Variants in SLC6A20 observed in about 807,000 individuals in gnomAD.
SLC6A20 encodes sodium- and chloride-dependent transporter XTRP3.
In SLC6A20, 73 loss-of-function variants were observed where a neutral mutation model predicts 64.3. The ratio of observed to expected loss-of-function variants is 1.14; its 90% CI spans 0.94 to 1.38. The LOEUF (loss-of-function observed/expected upper bound fraction) is 1.38, where lower values mean the gene tolerates loss of function less well. SLC6A20 is among the 40% of genes most tolerant of loss of function. SLC6A20 has a pLI of 0.00. For missense variants in SLC6A20, 725 were observed against 772.8 expected, an observed-to-expected ratio of 0.94 and a Z score of 0.73; for synonymous variants, 347 against 329.6, an observed-to-expected ratio of 1.05 and a Z score of -0.57.
chr3:45,770,433 C>A (rs1038143551), intron 6 of SLC6A20, 62 bp from the exon 7 acceptor site: 13 of 1,583,658 alleles, frequency 8.2e-6, no homozygotes, highest in Non-Finnish European at 1.1e-5. Context: ...ACCAAAGCCT[C>A]CCGTCAGCCT....
At chr3:45,796,157 C>T (rs992012997) in intron 1 of SLC6A20, 142 bp downstream of exon 1, 76 of 1,461,496 alleles carry the variant, frequency 5.2e-5, no homozygotes, top group Non-Finnish European at 4.1e-5. Context: ...GGGAACACTC[C>T]CGGGTCTGTA....
At chr3:45,784,597 G>A (rs977844875) in intron 1 of SLC6A20, among the ~76,000 whole-genome samples, 1 of 152,024 alleles carries the variant, frequency 6.6e-6, no homozygotes, top group Non-Finnish European at 1.5e-5. Flanking sequence ...CGCATCTTGA[G>A]AAAAACTTTG....
chr3:45,777,730 A>C lies in SLC6A20; in HGVS notation c.355-1742T>G, dbSNP rs1189718239. On this transcript the variant is annotated intron_variant, in intron 3 of 10. Coordinates refer to ENST00000358525, the MANE Select transcript of SLC6A20 (RefSeq NM_020208.4). ...GGTGACAGGGGTCCTGGTAGACCTG[A>C]AGCCCAGTTGAGCTGCCTAGGCTGA... is the stretch of plus-strand genomic sequence containing the variant. Among the ~76,000 whole-genome samples, 5 of 152,248 alleles carry C rather than the reference A, an allele frequency of 3.3e-5. No individual in the cohort carries two copies. The East Asian group carries it at 7.7e-4, about 24-fold the overall frequency.
intron 9 of SLC6A20, among the ~76,000 whole-genome samples, chr3:45,760,330 C>T (rs1243274513): frequency 6.6e-6 from 1 of 152,226 alleles, no homozygotes; most frequent in Admixed American, 6.5e-5. Flanking sequence ...GGGCAGCCTC[C>T]AGGAATGGTG....
intron 1 of SLC6A20, chr3:45,791,766 C>G (rs1008184648): frequency 6.6e-6 from 1 of 152,304 alleles, no homozygotes; most frequent in African/African-American, 2.4e-5. Context: ...GAAGCTGCTA[C>G]ATACTTTTAA....
At position 45,757,148 on chromosome 3, in the gene SLC6A20, G is replaced by A. The variant is rs1332796839; in HGVS notation, c.*1830C>T. 3 of 150,978 alleles carry A rather than the reference G, an allele frequency of 2.0e-5. No individual in the cohort carries two copies. Among genetic ancestry groups the A allele is most frequent in the African/African-American group, 4.9e-5 (2 of 40,938 alleles). The allele number at this position is 150,978 out of a possible 1,614,324, so 9.4% of individuals were successfully genotyped here. ...CATATCTCACCTCCAGCCACAGGGCGGTTTTCTCCTATCTCAGAATAGAAC... is the reference window on the plus strand; with the variant it reads ...CATATCTCACCTCCAGCCACAGGGCAGTTTTCTCCTATCTCAGAATAGAAC... On this transcript the variant is annotated 3_prime_UTR_variant, in exon 11 of 11. Coordinates refer to ENST00000358525, the MANE Select transcript of SLC6A20 (RefSeq NM_020208.4).
chr3:45,782,095 G>C lies in SLC6A20; in HGVS notation c.250C>G (p.Leu84Val), dbSNP rs772505408. Residue 84 changes from leucine (L) to valine (V), a missense_variant, in exon 2 of 11, where the codon CTC becomes GTC. By Grantham distance (32) the Leu-to-Val change is conservative. Transcript: ENST00000358525. ...IGAWRTISPY[L>V]SGVGVASVVV... ...GGGCCCCACGTACCGACACCACTGA[G>C]GTACGGGCTGATGGTCCTCCAGGCG... is the stretch of plus-strand genomic sequence containing the variant. The C allele has an allele frequency of 2.1e-5, 34 of 1,611,186 alleles. No homozygotes were observed. The highest frequency in any genetic ancestry group is 6.7e-5 in the Admixed American group (4 of 59,670).
intron 1 of SLC6A20, among the ~76,000 whole-genome samples, chr3:45,786,352 T>C (rs1344929586): frequency 1.3e-5 from 2 of 152,238 alleles, no homozygotes; most frequent in East Asian, 1.9e-4. Context: ...CAGGTTTCTT[T>C]AGTCTCCTTT....
Position 45,760,234 on chromosome 3 carries a change from C to T in SLC6A20, c.1464-212G>A, listed in dbSNP as rs7652042. Among the ~76,000 whole-genome samples the T allele has an allele frequency of 0.26, 38,907 of 152,114 alleles. 5,781 individuals are homozygous for T. The highest frequency in any genetic ancestry group is 0.39 in the Middle Eastern group (115 of 294). On this transcript the variant is annotated intron_variant, in intron 9 of 10. Transcript: ENST00000358525. ...GGCTGAGGCTGCCCAGAAGGGATGA[C>T]GGAGCAAGCAACCCGCAGAGAGTGG...
At chr3:45,762,720 C>T (rs547630166) in intron 9 of SLC6A20, among the ~76,000 whole-genome samples, 193 bp downstream of exon 9, 1 of 152,322 alleles carries the variant, frequency 6.6e-6, no homozygotes, top group East Asian at 1.9e-4. Flanking sequence ...AAGATATTCA[C>T]TGAAGCAAAC....
intron 4 of SLC6A20, 44 bp from the exon 5 acceptor site, chr3:45,772,659 G>T: frequency 6.6e-7 from 1 of 1,523,294 alleles, no homozygotes; most frequent in Non-Finnish European, 9.0e-7. Flanking sequence ...GAGCAGTGGG[G>T]TCCACAGGAC....
intron 1 of SLC6A20, among the ~76,000 whole-genome samples, chr3:45,782,621 T>TTTCA (rs1158331411): frequency 1.4e-5 from 2 of 144,546 alleles, no homozygotes; most frequent in Non-Finnish European, 3.0e-5. Context: ...ATTTCCATAT[T>TTTCA]TCCATCCATC....
chr3:45,760,046 A>C (rs763296340), intron 9 of SLC6A20, 24 bp from the exon 10 acceptor site: 13 of 1,599,550 alleles, frequency 8.1e-6, no homozygotes, highest in Non-Finnish European at 1.1e-5. Flanking sequence ...AGGGAGAGAA[A>C]GTCTGGATTA....
chr3:45,775,822 A>C lies in SLC6A20; in HGVS notation c.521T>G (p.Leu174Arg). The change falls in exon 4 of 11, where the codon CTC becomes CGC. Residue 174 changes from leucine to arginine, a missense_variant. By Grantham distance (102) the Leu-to-Arg change is moderately radical (BLOSUM62 -2). Coordinates refer to ENST00000358525, the MANE Select transcript of SLC6A20 (RefSeq NM_020208.4). ...GGVQWEPALC[L>R]LLAWLVVYLC... ...GTACACCACCAGCCAGGCCAGGAGG[A>C]GGCACAGCGCCGGCTCCCACTGCAC... is the stretch of plus-strand genomic sequence containing the variant. 6.2e-7 allele frequency: 1 copy of C among 1,613,936 alleles called. No homozygotes were observed. Among genetic ancestry groups the C allele is most frequent in the Non-Finnish European group, 8.5e-7 (1 of 1,179,958 alleles).
chr3:45,767,485 T>C (rs1699796007), intron 7 of SLC6A20, among the ~76,000 whole-genome samples: 1 of 151,518 alleles, frequency 6.6e-6, no homozygotes, highest in Non-Finnish European at 1.5e-5. Context: ...GAAAGATATA[T>C]CCAGAAATGA....
intron 1 of SLC6A20, among the ~76,000 whole-genome samples, chr3:45,794,511 G>A (rs1249767266): frequency 6.6e-6 from 1 of 152,082 alleles, no homozygotes; most frequent in Non-Finnish European, 1.5e-5. Flanking sequence ...CCATCCAGCC[G>A]AAGCATCCTC....
In SLC6A20 at chr3:45,776,102, C is replaced by A. The variant is rs1317222108; in HGVS notation, c.355-114G>T. The A allele has an allele frequency of 9.0e-6, 9 of 1,001,748 alleles. No individual in the cohort carries two copies. The Admixed American group carries it at 1.3e-4, about 14-fold the overall frequency. The allele number at this position is 1,001,748 out of a possible 1,614,324, so 62.1% of individuals were successfully genotyped here. A position where few individuals can be genotyped will look rare whatever the true frequency, so the allele number is the denominator to read the frequency against. On this transcript the variant is annotated intron_variant, in intron 3 of 10. Coordinates refer to ENST00000358525, the MANE Select transcript of SLC6A20 (RefSeq NM_020208.4). The stretch of plus-strand genomic sequence containing the variant: ...ACTCTTGGAAGAGAAGGGTGCTGGT[C>A]CCCGAAGGGCAGGTGGCTGGAGCCC...
rs1188111561 is a variant in SLC6A20 at position 45,756,164 on chromosome 3, G to A, written c.*2814C>T. ...GAATGCGCTGCAAGGTGGGGACACT[G>A]AATAAGGTAATGATCTAGGACATTT... is the stretch of plus-strand genomic sequence containing the variant. On this transcript the variant is annotated 3_prime_UTR_variant, in exon 11 of 11. Transcript: ENST00000358525. 6.6e-6 allele frequency: 1 copy of A among 152,250 alleles called. No homozygotes were observed. Among genetic ancestry groups the A allele is most frequent in the Non-Finnish European group, 1.5e-5 (1 of 68,060 alleles). The allele number at this position is 152,250 out of a possible 1,614,324, so 9.4% of individuals were successfully genotyped here.
chr3:45,796,379 A>G lies in SLC6A20; in HGVS notation c.41T>C (p.Phe14Ser). 1 of 1,611,810 alleles carries G rather than the reference A, an allele frequency of 6.2e-7. No individual in the cohort carries two copies. Among genetic ancestry groups the G allele is most frequent in the South Asian group, 1.1e-5 (1 of 90,940 alleles). ...GGCGTACGAGATGCAGGCGAACACGAACTGTAGCGAGTTGGCCCACAGCGG... is the reference window on the plus strand; with the variant it reads ...GGCGTACGAGATGCAGGCGAACACGGACTGTAGCGAGTTGGCCCACAGCGG... ...ARPLWANSLQ[F>S]VFACISYAVG... Residue 14 changes from phenylalanine (F) to serine (S), a missense_variant, in exon 1 of 11, where the codon TTC becomes TCC. Transcript: ENST00000358525.
Sources: allele counts gnomAD v4.1 joint callset (sites outside exome capture counted in the v4.1 genomes callset), GRCh38; gene constraint gnomAD v4.1.1; transcripts MANE v1.5; gene names NCBI Gene and HGNC (gene_info 2026-07-23, HGNC 2026-07-21).